The following GSAP variants were observed in gnomAD, a reference collection of about 807,000 sequenced individuals.
The protein encoded by GSAP is gamma-secretase-activating protein.
GSAP carries 118 observed loss-of-function variants against 131.7 expected under a neutral mutation model. That is an observed-to-expected ratio of 0.90 (90% CI 0.77 to 1.04). The LOEUF (loss-of-function observed/expected upper bound fraction) is 1.04, where lower values mean the gene tolerates loss of function less well. Among genes scored for constraint, GSAP ranks in the 50% least tolerant of loss-of-function variants. The probability of loss-of-function intolerance (pLI) is 0.00; values close to 1 mark genes in which losing one functional copy is unlikely to be tolerated. For missense variants in GSAP, 1,019 were observed against 1,013.2 expected (o/e 1.01, Z -0.08); for synonymous variants, 381 against 363.4 (o/e 1.05, Z -0.55).
intron 12 of GSAP, among the ~76,000 whole-genome samples, chr7:77,367,690 C>T (rs1405707712): frequency 6.6e-6 from 1 of 152,216 alleles, no homozygotes; most frequent in Non-Finnish European, 1.5e-5. Flanking sequence ...GACAGGTTTT[C>T]AGTATCAGGA....
intron 16 of GSAP, among the ~76,000 whole-genome samples, chr7:77,354,996 G>C (rs1793439417): frequency 6.6e-6 from 1 of 152,040 alleles, no homozygotes; most frequent in Non-Finnish European, 1.5e-5. Context: ...TCCCAATATG[G>C]AAAAGGGGGT....
rs145680651 is a variant in GSAP at position 77,313,493 on chromosome 7, G to T, written c.2266C>A (p.Pro756Thr). The T allele has an allele frequency of 5.0e-4, 769 of 1,542,032 alleles. 4 individuals are homozygous for T. The African/African-American group carries it at 9.0e-3, about 18-fold the overall frequency. ...KLKFSIIVRL[P>T]PLIGQKICRL... ...AAAATGTAACTCAGTATTACCGGAG[G>T]AAGCCGCACAATGATACTGAATTTC... The change falls in exon 28 of 31, where the codon CCT (proline) becomes ACT (threonine). Residue 756 changes from proline to threonine, a missense_variant. Pro to Thr is a conservative substitution (Grantham distance 38). Coordinates refer to ENST00000257626, the MANE Select transcript of GSAP (RefSeq NM_017439.4).
chr7:77,376,825 GT>G, intron 10 of GSAP, 22 bp downstream of exon 10: 1 of 1,122,948 alleles, frequency 8.9e-7, no homozygotes, highest in Admixed American at 2.2e-5. Context: ...CTTTCCTGTA[GT>G]GTGATCATTT....
At position 77,343,336 on chromosome 7, in the gene GSAP, T is replaced by A. The variant is rs930960223; in HGVS notation, c.1545+6015A>T. 2.6e-4 allele frequency among the ~76,000 whole-genome samples: 40 copies of A among 152,234 alleles called. 1 individual carries two copies. The highest frequency in any genetic ancestry group is 8.9e-4 in the African/African-American group (37 of 41,464). Reference sequence around the variant, plus strand: ...CTACCTCTCAGCAAGCCGAACTCATTGCCTTAACTCAAGCCCTCAATCTTG... The same window carrying A: ...CTACCTCTCAGCAAGCCGAACTCATAGCCTTAACTCAAGCCCTCAATCTTG... On this transcript the variant is annotated intron_variant, in intron 19 of 30. Transcript: ENST00000257626.
chr7:77,397,498 G>C lies in GSAP; in HGVS notation c.244-83C>G, dbSNP rs1168371827. On this transcript the variant is annotated intron_variant, in intron 3 of 30. Coordinates refer to ENST00000257626, the MANE Select transcript of GSAP (RefSeq NM_017439.4). ...TGAACATAAATTCCCATTAAGCTCTGTGCTAAGTATTACTGGGGCAAAATA... is the reference window on the plus strand; with the variant it reads ...TGAACATAAATTCCCATTAAGCTCTCTGCTAAGTATTACTGGGGCAAAATA... 6 of 769,014 alleles carry C rather than the reference G, an allele frequency of 7.8e-6. No individual in the cohort carries two copies. In the East Asian group the frequency reaches 1.6e-4, roughly 21 times the overall value. The allele number at this position is 769,014 out of a possible 1,614,324, so 47.6% of individuals were successfully genotyped here. A position where few individuals can be genotyped will look rare whatever the true frequency, so the allele number is the denominator to read the frequency against.
chr7:77,383,520 T>A (rs28661506), intron 6 of GSAP, among the ~76,000 whole-genome samples: 18,989 of 152,096 alleles, frequency 0.12, 1,742 homozygotes, highest in East Asian at 0.45. Context: ...AATTTACAAG[T>A]CTGAAAGCAC....
At chr7:77,403,450 A>G (rs1801713133) in intron 3 of GSAP, among the ~76,000 whole-genome samples, 1 of 152,230 alleles carries the variant, frequency 6.6e-6, no homozygotes, top group African/African-American at 2.4e-5. Flanking sequence ...AAGTTCAAAG[A>G]TGTCTAATAT....
At chr7:77,321,002 T>A (rs1787565356) in intron 25 of GSAP, among the ~76,000 whole-genome samples, 183 bp from the exon 26 acceptor site, 1 of 152,098 alleles carries the variant, frequency 6.6e-6, no homozygotes, top group African/African-American at 2.4e-5. Context: ...TTAATCAGAG[T>A]AGGAACATAT....
intron 25 of GSAP, 68 bp downstream of exon 25, chr7:77,321,265 G>A: frequency 1.1e-6 from 1 of 944,954 alleles, no homozygotes; most frequent in South Asian, 1.3e-5. Flanking sequence ...ATTTCAAAAG[G>A]GTTTTGCTAC....
intron 14 of GSAP, among the ~76,000 whole-genome samples, chr7:77,359,916 A>G (rs1388323138): frequency 6.6e-6 from 1 of 152,206 alleles, no homozygotes; most frequent in Non-Finnish European, 1.5e-5. Context: ...TTATCACAGG[A>G]AGCAGTAGAA....
intron 1 of GSAP, among the ~76,000 whole-genome samples, chr7:77,410,017 C>T (rs984008349): frequency 2.6e-5 from 4 of 152,212 alleles, no homozygotes; most frequent in South Asian, 2.1e-4. Flanking sequence ...CTCTGGTGTA[C>T]ATGTATGTGT....
intron 3 of GSAP, among the ~76,000 whole-genome samples, chr7:77,402,971 C>T (rs1169502439): frequency 1.3e-5 from 2 of 152,166 alleles, no homozygotes; most frequent in East Asian, 3.8e-4. Context: ...TGTACTCCTA[C>T]CACTCACAGG....
rs765891646 is a variant in GSAP at position 77,382,653 on chromosome 7, AG to A, written c.457-11del. 29 of 1,444,952 alleles carry A rather than the reference AG, an allele frequency of 2.0e-5. No homozygotes were observed. The highest frequency in any genetic ancestry group is 1.7e-4 in the Admixed American group (10 of 59,766). 89.5% of individuals were successfully genotyped at this position (1,444,952 alleles called of 1,614,324 possible). ...TATGTGGGTAGAGAAACTGTAAAAA[AG>A]AAATTAATCATAATTGTAAGCAACT... On this transcript the variant is annotated splice_polypyrimidine_tract_variant and intron_variant, in intron 6 of 30. Coordinates refer to ENST00000257626, the MANE Select transcript of GSAP (RefSeq NM_017439.4).
At chr7:77,409,522 G>A (rs1802898154) in intron 1 of GSAP, among the ~76,000 whole-genome samples, 1 of 152,150 alleles carries the variant, frequency 6.6e-6, no homozygotes. Flanking sequence ...TGAGTGTTCT[G>A]TATCAAGCTT....
chr7:77,377,482 C>A, intron 8 of GSAP, 92 bp from the exon 9 acceptor site: 1 of 1,337,256 alleles, frequency 7.5e-7, no homozygotes. Flanking sequence ...CCATGTCTAT[C>A]TTTATGATAC....
Position 77,312,116 on chromosome 7 carries a change from C to T in GSAP, c.2358G>A (p.Gln786=), listed in dbSNP as rs370897442. 1.7e-5 allele frequency: 27 copies of T among 1,594,978 alleles called. No individual in the cohort carries two copies. Among genetic ancestry groups the T allele is most frequent in the Non-Finnish European group, 2.3e-5 (27 of 1,170,318 alleles). ...ISRNHVTRLL[Q]NYKKQPRNSM... ...AGAAACTCACCTGTTTCTTATAGTT[C>T]TGAAGCAGTCGCGTCACGTGGTTCC... is the stretch of plus-strand genomic sequence containing the variant. Residue 786 remains glutamine, a synonymous_variant, in exon 29 of 31, where the codon CAG becomes CAA. Coordinates refer to ENST00000257626, the MANE Select transcript of GSAP (RefSeq NM_017439.4).
At chr7:77,353,710 C>A in intron 16 of GSAP, 69 bp from the exon 17 acceptor site, 5 of 888,146 alleles carry the variant, frequency 5.6e-6, no homozygotes, top group Non-Finnish European at 9.2e-6. Context: ...CAAAGAAGTA[C>A]AAATATACAT....
At position 77,376,837 on chromosome 7, in the gene GSAP, T is replaced by C. The variant is rs1305073118; in HGVS notation, c.741+11A>G. ...AAACTTTCCTGTAGTGTGATCATTT[T>C]CTGGACTTACCATTAAGTTATAGCT... is the stretch of plus-strand genomic sequence containing the variant. On this transcript the variant is annotated intron_variant, in intron 10 of 30. Coordinates refer to ENST00000257626, the MANE Select transcript of GSAP (RefSeq NM_017439.4). The C allele has an allele frequency of 1.5e-6, 2 of 1,353,416 alleles. No individual in the cohort carries two copies. The highest frequency in any genetic ancestry group is 3.6e-4 in the Middle Eastern group (2 of 5,512). 83.8% of individuals were successfully genotyped at this position (1,353,416 alleles called of 1,614,324 possible).
intron 5 of GSAP, among the ~76,000 whole-genome samples, chr7:77,389,364 C>T (rs1799087314): frequency 6.7e-6 from 1 of 149,950 alleles, no homozygotes; most frequent in African/African-American, 2.5e-5. Flanking sequence ...TAGTGAAATG[C>T]CGTCTCTACA....
Sources: allele counts gnomAD v4.1 joint callset (sites outside exome capture counted in the v4.1 genomes callset), GRCh38; gene constraint gnomAD v4.1.1; transcripts MANE v1.5; gene names NCBI Gene and HGNC (gene_info 2026-07-23, HGNC 2026-07-21).